Variants in ATP10A observed in about 807,000 individuals in gnomAD.
ATP10A encodes the protein phospholipid-transporting ATPase VA.
A neutral mutation model predicts 147.8 loss-of-function variants in ATP10A; 111 were observed. That is an observed-to-expected ratio of 0.75 (90% CI 0.64 to 0.88). The LOEUF is 0.88. ATP10A is among the 40% of genes least tolerant of loss of function. ATP10A has a pLI of 0.00. For missense variants in ATP10A, 1,927 were observed against 1,959.0 expected (o/e 0.98, Z 0.31); for synonymous variants, 875 against 841.6 (o/e 1.04, Z -0.69).
At chr15:25,752,443 C>T (rs1203206233) in intron 2 of ATP10A, among the ~76,000 whole-genome samples, 2 of 152,124 alleles carry the variant, frequency 1.3e-5, no homozygotes, top group Non-Finnish European at 2.9e-5. Context: ...GAATCTAAAG[C>T]AACCAAACTC....
chr15:25,840,141 G>A (rs1021048054), intron 1 of ATP10A, among the ~76,000 whole-genome samples: 68 of 152,004 alleles, frequency 4.5e-4, no homozygotes, highest in African/African-American at 1.5e-3. Flanking sequence ...ATGGGATCAC[G>A]CAGCATATAT....
chr15:25,718,214 G>A lies in ATP10A; in HGVS notation c.1549C>T (p.Leu517=), dbSNP rs1901946670. ...SRAEAKRASM[L]SKHTAFSSPM... is the part of the protein sequence containing the mutation. ...CTGCTGAAGGCCGTGTGCTTGGACAGCATGCTGGCCCTCTTGGCCTCGGCC... is the reference window on the plus strand; with the variant it reads ...CTGCTGAAGGCCGTGTGCTTGGACAACATGCTGGCCCTCTTGGCCTCGGCC... The change falls in exon 8 of 21, where the codon CTG becomes TTG. Residue 517 remains leucine (L), a synonymous_variant. Transcript: ENST00000555815. The A allele has an allele frequency of 6.2e-7, 1 of 1,613,088 alleles. No individual in the cohort carries two copies.
chr15:25,833,835 G>T (rs1892472831), intron 1 of ATP10A, among the ~76,000 whole-genome samples: 1 of 152,112 alleles, frequency 6.6e-6, no homozygotes, highest in South Asian at 2.1e-4. Context: ...AGCCGGGCGT[G>T]GTGGTGGGCA....
At chr15:25,805,287 A>G (rs1412966751) in intron 1 of ATP10A, among the ~76,000 whole-genome samples, 2 of 152,222 alleles carry the variant, frequency 1.3e-5, no homozygotes, top group Non-Finnish European at 2.9e-5. Context: ...GACTGGAGCC[A>G]CGCCACCAGC....
intron 1 of ATP10A, among the ~76,000 whole-genome samples, chr15:25,845,322 TTGTGTG>T (rs746244130): frequency 0.044 from 6,270 of 141,668 alleles, 328 homozygotes; most frequent in African/African-American, 0.13. Context: ...GTTTGTGTGT[TTGTGTG>T]TGTGTGTGTG....
intron 1 of ATP10A, among the ~76,000 whole-genome samples, chr15:25,825,868 A>G (rs976754971): frequency 1.3e-5 from 2 of 152,214 alleles, no homozygotes; most frequent in African/African-American, 4.8e-5. Context: ...AAGCAAGCTC[A>G]GATGTTGGAG....
At chr15:25,833,697 T>A (rs1302865331) in intron 1 of ATP10A, among the ~76,000 whole-genome samples, 1 of 152,218 alleles carries the variant, frequency 6.6e-6, no homozygotes, top group Non-Finnish European at 1.5e-5. Flanking sequence ...AAATCTACTC[T>A]CAGCCGGGTG....
At chr15:25,709,581 G>A (rs542760914) in intron 10 of ATP10A, 1 of 152,342 alleles carries the variant, frequency 6.6e-6, no homozygotes, top group South Asian at 2.1e-4. Context: ...TGGGCCACTC[G>A]GGACCCTGGG....
At chr15:25,742,142 C>T (rs1347592854) in intron 2 of ATP10A, among the ~76,000 whole-genome samples, 1 of 129,552 alleles carries the variant, frequency 7.7e-6, no homozygotes, top group Non-Finnish European at 1.6e-5. Context: ...CTGCACGTCA[C>T]ACAGCATGTG....
chr15:25,764,465 CG>C (rs1888920754), intron 2 of ATP10A, among the ~76,000 whole-genome samples: 1 of 152,116 alleles, frequency 6.6e-6, no homozygotes, highest in Non-Finnish European at 1.5e-5. Context: ...TGGAGCCTCA[CG>C]AGTGGGATTA....
chr15:25,751,489 T>G (rs1888155112), intron 2 of ATP10A, among the ~76,000 whole-genome samples: 1 of 152,126 alleles, frequency 6.6e-6, no homozygotes, highest in Non-Finnish European at 1.5e-5. Flanking sequence ...ACATAGAGCA[T>G]TTAGCAAGAT....
At chr15:25,672,761 A>G (rs2140260062), downstream of ATP10A, among the ~76,000 whole-genome samples, 1 of 152,264 alleles carries the variant, frequency 6.6e-6, no homozygotes, top group Non-Finnish European at 1.5e-5. Flanking sequence ...TGCCTTGACT[A>G]TCCTTGTTAT....
At chr15:25,689,601 A>G (rs1278158569) in intron 15 of ATP10A, among the ~76,000 whole-genome samples, 2 of 152,210 alleles carry the variant, frequency 1.3e-5, no homozygotes, top group East Asian at 1.9e-4. Context: ...GGAAAACCCA[A>G]GTGCATAGGA....
rs555194790 is a variant in ATP10A at position 25,771,338 on chromosome 15, T to G, written c.654+9681A>C. ...TAATCTCAGCACTTTGAGAGGCTAA[T>G]GTAGGAGGACTGCTTGAGCCCAGGA... On this transcript the variant is annotated intron_variant, in intron 2 of 20. Coordinates refer to ENST00000555815, the MANE Select transcript of ATP10A (RefSeq NM_024490.4). 1.1e-3 allele frequency among the ~76,000 whole-genome samples: 170 copies of G among 152,228 alleles called. 2 individuals are homozygous for G. Among genetic ancestry groups the G allele is most frequent in the Non-Finnish European group, 3.1e-4 (21 of 68,014 alleles).
chr15:25,715,104 T>C (rs1901711635), intron 9 of ATP10A, among the ~76,000 whole-genome samples: 1 of 152,138 alleles, frequency 6.6e-6, no homozygotes, highest in Non-Finnish European at 1.5e-5. Flanking sequence ...AAATACTGAA[T>C]TAGCAATTCT....
At chr15:25,692,030 A>T (rs575529670) in intron 14 of ATP10A, among the ~76,000 whole-genome samples, 1 of 152,094 alleles carries the variant, frequency 6.6e-6, no homozygotes, top group Admixed American at 6.5e-5. Flanking sequence ...CACCTGGTAC[A>T]TGGCGCCTGC....
At chr15:25,683,581 A>T (rs1899547454) in intron 16 of ATP10A, 95 bp from the exon 17 acceptor site, 1 of 1,224,146 alleles carries the variant, frequency 8.2e-7, no homozygotes, top group South Asian at 1.5e-5. Context: ...AGAGTTTCAC[A>T]GTCAAGATTA....
intron 2 of ATP10A, among the ~76,000 whole-genome samples, chr15:25,751,979 G>A (rs561919224): frequency 5.3e-5 from 8 of 152,100 alleles, no homozygotes; most frequent in Non-Finnish European, 1.0e-4. Flanking sequence ...TATCCTACCT[G>A]TCAGAATAGT....
chr15:25,851,923 T>C (rs1035076305), intron 1 of ATP10A, among the ~76,000 whole-genome samples: 2 of 152,154 alleles, frequency 1.3e-5, no homozygotes, highest in Admixed American at 6.5e-5. Context: ...TTTAGAAATT[T>C]AAAAAAACTG....
Sources: allele counts gnomAD v4.1 joint callset (sites outside exome capture counted in the v4.1 genomes callset), GRCh38; gene constraint gnomAD v4.1.1; transcripts MANE v1.5; gene names NCBI Gene and HGNC (gene_info 2026-07-23, HGNC 2026-07-21).